CNTNAP5: variants seen among roughly 807,000 people sequenced by gnomAD.
CNTNAP5 encodes the protein contactin-associated protein-like 5.
In CNTNAP5, 72 loss-of-function variants were observed where a neutral mutation model predicts 150.2. The ratio of observed to expected loss-of-function variants is 0.48; its 90% CI spans 0.40 to 0.58. The LOEUF (loss-of-function observed/expected upper bound fraction) is 0.58, where lower values mean the gene tolerates loss of function less well. CNTNAP5 is among the 20% of genes least tolerant of loss of function. The pLI is 0.00. For synonymous variants in CNTNAP5, 672 were observed against 619.8 expected (o/e 1.08, Z -1.25); for missense variants, 1,636 against 1,626.2 (o/e 1.01, Z -0.10).
intron 11 of CNTNAP5, among the ~76,000 whole-genome samples, chr2:124,606,158 A>G (rs770956193): frequency 6.6e-6 from 1 of 152,208 alleles, no homozygotes; most frequent in African/African-American, 2.4e-5. Context: ...GAAAAGAAAA[A>G]GTAATCACAT....
intron 13 of CNTNAP5, among the ~76,000 whole-genome samples, chr2:124,690,636 C>T (rs988898614): frequency 3.3e-5 from 5 of 152,056 alleles, no homozygotes; most frequent in Non-Finnish European, 4.4e-5. Context: ...CCTGCTATTC[C>T]TCTACACTTC....
At chr2:124,706,796 A>AGAAGAAGAAGAAGAAGAAGAAGAC (rs1679656951) in intron 13 of CNTNAP5, among the ~76,000 whole-genome samples, 1 of 9,990 alleles carries the variant, frequency 1.0e-4, no homozygotes, top group Non-Finnish European at 2.1e-4. Flanking sequence ...AAGAAGAAGA[A>AGAAGAAGAAGAAGAAGAAGAAGAC]GGAGGAGGAG....
chr2:124,349,955 G>A (rs1363702907), intron 3 of CNTNAP5, among the ~76,000 whole-genome samples: 1 of 132,702 alleles, frequency 7.5e-6, no homozygotes. Context: ...CGCGATCTTG[G>A]CTCACTTCAA....
At chr2:124,678,523 A>G (rs954082719) in intron 13 of CNTNAP5, among the ~76,000 whole-genome samples, 2 of 151,348 alleles carry the variant, frequency 1.3e-5, no homozygotes, top group African/African-American at 2.4e-5. Context: ...TAAAAATTCC[A>G]GAATGTGAGG....
intron 19 of CNTNAP5, among the ~76,000 whole-genome samples, chr2:124,803,997 A>G (rs922210529): frequency 1.8e-4 from 28 of 152,346 alleles, no homozygotes; most frequent in African/African-American, 6.7e-4. Context: ...TTATTTTGAC[A>G]GCATAACTAA....
chr2:124,531,532 A>G (rs1310889500), intron 10 of CNTNAP5, among the ~76,000 whole-genome samples: 1 of 152,202 alleles, frequency 6.6e-6, no homozygotes, highest in African/African-American at 2.4e-5. Context: ...AGTGAGACTG[A>G]CTTACATCTA....
intron 19 of CNTNAP5, among the ~76,000 whole-genome samples, chr2:124,855,817 A>G (rs1677359504): frequency 6.6e-6 from 1 of 152,134 alleles, no homozygotes; most frequent in South Asian, 2.1e-4. Context: ...CCATCACCCA[A>G]GCAGTGTACA....
At chr2:124,418,976 T>C (rs986538195) in intron 4 of CNTNAP5, among the ~76,000 whole-genome samples, 1 of 146,488 alleles carries the variant, frequency 6.8e-6, no homozygotes, top group South Asian at 2.2e-4. Context: ...CTACTAAAAA[T>C]ACAAAAAATT....
At chr2:124,249,507 G>T (rs1014870390) in intron 3 of CNTNAP5, among the ~76,000 whole-genome samples, 1 of 152,122 alleles carries the variant, frequency 6.6e-6, no homozygotes, top group Non-Finnish European at 1.5e-5. Flanking sequence ...TTAATCCCAG[G>T]ACTTCAGATA....
At chr2:124,145,795 A>T (rs1401350493) in intron 1 of CNTNAP5, among the ~76,000 whole-genome samples, 12 of 64,482 alleles carry the variant, frequency 1.9e-4, no homozygotes, top group South Asian at 1.5e-3. Flanking sequence ...AAAGTATAAT[A>T]AAAAAAAAAA....
chr2:124,245,704 A>C (rs985379225), intron 3 of CNTNAP5, among the ~76,000 whole-genome samples: 1 of 149,560 alleles, frequency 6.7e-6, no homozygotes, highest in African/African-American at 2.5e-5. Flanking sequence ...TATACACACA[A>C]ATATATATTT....
chr2:124,189,426 C>G (rs1685409634), intron 1 of CNTNAP5, among the ~76,000 whole-genome samples: 1 of 152,114 alleles, frequency 6.6e-6, no homozygotes, highest in Non-Finnish European at 1.5e-5. Flanking sequence ...ACACACCTAC[C>G]ATGCATTTTA....
At chr2:124,554,368 T>G (rs2104920684) in intron 10 of CNTNAP5, among the ~76,000 whole-genome samples, 1 of 152,202 alleles carries the variant, frequency 6.6e-6, no homozygotes, top group South Asian at 2.1e-4. Context: ...TCTTAGGTTT[T>G]TTACTAAGGA....
chr2:124,195,835 C>A (rs1487063123), intron 1 of CNTNAP5, among the ~76,000 whole-genome samples: 1 of 152,090 alleles, frequency 6.6e-6, no homozygotes, highest in Non-Finnish European at 1.5e-5. Flanking sequence ...TTTTTCTAAG[C>A]AAAGGCACAC....
chr2:124,242,984 C>A (rs1686924535), intron 3 of CNTNAP5, among the ~76,000 whole-genome samples: 1 of 152,178 alleles, frequency 6.6e-6, no homozygotes. Context: ...CAATCTTCAG[C>A]TTCAGAGTGA....
chr2:124,916,950 T>C lies in CNTNAP5; in HGVS notation c.*2662T>C, dbSNP rs1678781184. Among the ~76,000 whole-genome samples the C allele has an allele frequency of 6.6e-6, 1 of 152,040 alleles. No individual in the cohort carries two copies. The highest frequency in any genetic ancestry group is 1.5e-5 in the Non-Finnish European group (1 of 67,976). On this transcript the variant is annotated 3_prime_UTR_variant, in exon 24 of 24. Coordinates refer to ENST00000682447, the MANE Select transcript of CNTNAP5 (RefSeq NM_001367498.1). ...TGCAAGTGATCCGTACCCTCCAAAG[T>C]AGAATGTAATTTACAATTAGAAATC...
intron 1 of CNTNAP5, among the ~76,000 whole-genome samples, chr2:124,113,291 T>C (rs1284841061): frequency 1.3e-5 from 2 of 152,136 alleles, no homozygotes; most frequent in Non-Finnish European, 2.9e-5. Context: ...TGTGGGATAA[T>C]TCCTTTAAAG....
At chr2:124,876,015 T>C (rs1218079677) in intron 21 of CNTNAP5, among the ~76,000 whole-genome samples, 1 of 152,178 alleles carries the variant, frequency 6.6e-6, no homozygotes, top group African/African-American at 2.4e-5. Context: ...CCAGTCTGTC[T>C]GTTTCTCACT....
chr2:124,324,317 A>G lies in CNTNAP5; in HGVS notation c.381+81924A>G, dbSNP rs9989748. Among the ~76,000 whole-genome samples, 1,059 of 152,296 alleles carry G rather than the reference A, an allele frequency of 7.0e-3. 14 individuals carry two copies. The highest frequency in any genetic ancestry group is 0.023 in the African/African-American group (976 of 41,560). ...ACACAGAAGGAGTTCCCAGAGCCAG[A>G]GTGAATATGAGGTTGTACTGACATT... On this transcript the variant is annotated intron_variant, in intron 3 of 23. Transcript: ENST00000682447.
Sources: gnomAD v4.1 joint callset for allele counts (sites outside exome capture counted in the v4.1 genomes callset) on GRCh38, gnomAD v4.1.1 for gene constraint, MANE v1.5 for transcripts, NCBI Gene and HGNC (gene_info 2026-07-23, HGNC 2026-07-21) for gene names.